The following AP1G1 variants were observed in gnomAD, a reference collection of about 807,000 sequenced individuals.
AP1G1 encodes AP-1 complex subunit gamma-1.
In AP1G1, 7 loss-of-function variants were observed where a neutral mutation model predicts 108.3. That is an observed-to-expected ratio of 0.06 (90% confidence interval 0.04 to 0.12). AP1G1 has a LOEUF of 0.12. Ranked by LOEUF, AP1G1 falls within the 10% of genes least tolerant of loss-of-function variation. The pLI, the probability that AP1G1 is intolerant of heterozygous loss-of-function variation, is 1.00. For missense variants in AP1G1, 756 were observed against 1,010.7 expected, an observed-to-expected ratio of 0.75 and a Z score of 3.42; for synonymous variants, 379 against 353.5, an observed-to-expected ratio of 1.07 and a Z score of -0.81.
Position 71,806,248 on chromosome 16 carries a change from C to T in AP1G1, c.-4+2515G>A, listed in dbSNP as rs189653220. On this transcript the variant is annotated intron_variant, in intron 1 of 22. Coordinates refer to ENST00000299980, the MANE Select transcript of AP1G1 (RefSeq NM_001128.6). ...GTCAGACCAAAGAACAAGCAACTGC[C>T]CCCAAAAGAAAACGGAGGTTTCCTA... is the stretch of plus-strand genomic sequence containing the variant. Among the ~76,000 whole-genome samples, 609 of 152,160 alleles carry T rather than the reference C, an allele frequency of 4.0e-3. 6 individuals are homozygous for T. The highest frequency in any genetic ancestry group is 6.8e-3 in the Middle Eastern group (2 of 294).
At chr16:71,761,665 G>T in intron 9 of AP1G1, 98 bp from the exon 10 acceptor site, 2 of 888,722 alleles carry the variant, frequency 2.3e-6, no homozygotes, top group Non-Finnish European at 3.6e-6. Flanking sequence ...GTGCTTCACA[G>T]ACTGCTAGCA....
intron 12 of AP1G1, among the ~76,000 whole-genome samples, chr16:71,754,804 AT>A: frequency 6.6e-6 from 1 of 152,026 alleles, no homozygotes. Flanking sequence ...CGTTTCTAAA[AT>A]TAAAGAAAAA....
chr16:71,806,886 T>C (rs1398143869), intron 1 of AP1G1, among the ~76,000 whole-genome samples: 4 of 152,196 alleles, frequency 2.6e-5, no homozygotes, highest in African/African-American at 4.8e-5. Flanking sequence ...ATATGACCTA[T>C]AGAGGAATTT....
intron 6 of AP1G1, among the ~76,000 whole-genome samples, chr16:71,768,192 TAAAAAAA>T (rs10610445): frequency 8.0e-5 from 8 of 99,828 alleles, no homozygotes; most frequent in Non-Finnish European, 1.4e-4. Flanking sequence ...AATACTAGTT[TAAAAAAA>T]AAAAAAAAAA....
chr16:71,748,814 A>C (rs1264339552), intron 15 of AP1G1, among the ~76,000 whole-genome samples: 2 of 152,202 alleles, frequency 1.3e-5, no homozygotes, highest in Non-Finnish European at 2.9e-5. Flanking sequence ...AGAAACAGTA[A>C]TTCAGTCCAC....
intron 2 of AP1G1, among the ~76,000 whole-genome samples, chr16:71,785,182 G>GA (rs879815172): frequency 2.0e-5 from 3 of 149,398 alleles, no homozygotes; most frequent in African/African-American, 4.9e-5. Flanking sequence ...AAACTAAAAA[G>GA]AAAAAAAAAG....
chr16:71,780,426 G>C (rs1013680195), intron 2 of AP1G1, among the ~76,000 whole-genome samples: 16 of 151,120 alleles, frequency 1.1e-4, no homozygotes, highest in African/African-American at 3.2e-4. Context: ...TCCTGTTGAA[G>C]GCTGCAGTGA....
intron 10 of AP1G1, among the ~76,000 whole-genome samples, chr16:71,760,371 C>T (rs955914682): frequency 5.9e-5 from 9 of 151,688 alleles, no homozygotes; most frequent in African/African-American, 9.7e-5. Flanking sequence ...GGTGAAACCC[C>T]GTCTCTACTA....
chr16:71,761,547 C>G lies in AP1G1; in HGVS notation c.939G>C (p.Leu313=). 6.2e-7 allele frequency: 1 copy of G among 1,607,338 alleles called. No individual in the cohort carries two copies. The highest frequency in any genetic ancestry group is 8.5e-7 in the Non-Finnish European group (1 of 1,174,716). Residue 313 remains leucine, a synonymous_variant, in exon 10 of 23, where the codon CTG becomes CTC. Coordinates refer to ENST00000299980, the MANE Select transcript of AP1G1 (RefSeq NM_001128.6). ...SGLRVLAINI[L]GRFLLNNDKN... ...TGTCATTGTTCAATAAGAAACGACC[C>G]AGGATATTTATGGCTAGGACCTAAA...
intron 21 of AP1G1, among the ~76,000 whole-genome samples, chr16:71,736,114 AAAAAT>A (rs1267785483): frequency 1.6e-4 from 12 of 74,084 alleles, no homozygotes; most frequent in Non-Finnish European, 2.3e-4. Context: ...AAAAAAAAAA[AAAAAT>A]ATATATATAT....
intron 2 of AP1G1, chr16:71,777,839 C>A: frequency 2.9e-6 from 1 of 346,296 alleles, no homozygotes; most frequent in Non-Finnish European, 5.9e-6. Flanking sequence ...CAACATGGTG[C>A]TAGGACTGGA....
chr16:71,736,551 ATTAT>A (rs369844976), intron 21 of AP1G1, among the ~76,000 whole-genome samples: 33,016 of 106,022 alleles, frequency 0.31, 5,201 homozygotes, highest in African/African-American at 0.39. Flanking sequence ...CGGCTAATTT[ATTAT>A]TTATTTATTT....
chr16:71,801,421 G>C (rs2032797214), intron 1 of AP1G1, among the ~76,000 whole-genome samples: 1 of 151,706 alleles, frequency 6.6e-6, no homozygotes, highest in Non-Finnish European at 1.5e-5. Context: ...ACACTTACGT[G>C]AGTATGTACA....
At chr16:71,772,582 C>A (rs2031618584) in intron 4 of AP1G1, among the ~76,000 whole-genome samples, 1 of 152,166 alleles carries the variant, frequency 6.6e-6, no homozygotes, top group Non-Finnish European at 1.5e-5. Context: ...AACTGCATAT[C>A]ATCCTGGGAA....
At chr16:71,775,006 C>T (rs1390508748) in intron 2 of AP1G1, among the ~76,000 whole-genome samples, 4 of 147,114 alleles carry the variant, frequency 2.7e-5, no homozygotes, top group South Asian at 2.2e-4. Flanking sequence ...CAGGCATGAG[C>T]CACCGCGCCT....
chr16:71,758,705 G>A (rs2030930796), intron 11 of AP1G1, 103 bp downstream of exon 11: 7 of 675,150 alleles, frequency 1.0e-5, no homozygotes, highest in Non-Finnish European at 1.8e-5. Flanking sequence ...CAACACTCTT[G>A]CTCTGAAAAC....
At chr16:71,747,267 G>A (rs548689505) in intron 16 of AP1G1, 1 of 152,302 alleles carries the variant, frequency 6.6e-6, no homozygotes, top group East Asian at 1.9e-4. Context: ...AAAAAGCAAA[G>A]AGGAGAATTA....
intron 17 of AP1G1, 102 bp from the exon 18 acceptor site, chr16:71,745,716 TCCCCTCC>T: frequency 1.1e-6 from 1 of 944,484 alleles, no homozygotes; most frequent in Non-Finnish European, 1.7e-6. Flanking sequence ...GAGATCTATC[TCCCCTCC>T]CCATCCAACA....
At chr16:71,793,624 C>T (rs2032479925) in intron 1 of AP1G1, among the ~76,000 whole-genome samples, 1 of 152,212 alleles carries the variant, frequency 6.6e-6, no homozygotes, top group African/African-American at 2.4e-5. Context: ...AGCCAACTCC[C>T]ACTAAGGTCC....
Sources: gnomAD v4.1 joint callset for allele counts (sites outside exome capture counted in the v4.1 genomes callset) on GRCh38, gnomAD v4.1.1 for gene constraint, MANE v1.5 for transcripts, NCBI Gene and HGNC (gene_info 2026-07-23, HGNC 2026-07-21) for gene names.